GRM8: variants seen among roughly 807,000 people sequenced by gnomAD.
The protein encoded by GRM8 is metabotropic glutamate receptor 8.
In GRM8, 47 loss-of-function variants were observed where a neutral mutation model predicts 87.2. That is an observed-to-expected ratio of 0.54 (90% CI 0.43 to 0.69). GRM8 has a LOEUF of 0.69. Among genes scored for constraint, GRM8 ranks in the 30% least tolerant of loss-of-function variants. The probability of loss-of-function intolerance (pLI) is 0.00; values close to 1 mark genes in which losing one functional copy is unlikely to be tolerated. For missense variants in GRM8, 1,019 were observed against 1,139.2 expected (o/e 0.89, Z 1.52); for synonymous variants, 396 against 404.5 (o/e 0.98, Z 0.25).
intron 1 of GRM8, among the ~76,000 whole-genome samples, chr7:127,251,976 G>A (rs562810989): frequency 6.6e-6 from 1 of 152,112 alleles, no homozygotes; most frequent in African/African-American, 2.4e-5. Flanking sequence ...CGAGGACCCC[G>A]AAGCGCCCGG....
rs563626118 is a variant in GRM8, at chr7:127,170,548, T to C, written c.511-63836A>G. Among the ~76,000 whole-genome samples, 4 of 152,328 alleles carry C rather than the reference T, an allele frequency of 2.6e-5. No homozygotes were observed. In the Middle Eastern group the frequency reaches 0.01, roughly 389 times the overall value. ...AAAAAGATGCTTTCACATGCATGTA[T>C]ACAGCAGCACAATTTGCAGTTGCAA... On this transcript the variant is annotated intron_variant, in intron 2 of 10. Transcript: ENST00000339582.
chr7:126,940,997 G>T (rs1450246443), intron 3 of GRM8, among the ~76,000 whole-genome samples: 1 of 152,164 alleles, frequency 6.6e-6, no homozygotes, highest in African/African-American at 2.4e-5. Flanking sequence ...GATAATGAGG[G>T]ACAGAGTTTT....
chr7:126,878,519 CTTT>C (rs35669727), intron 6 of GRM8, among the ~76,000 whole-genome samples: 5 of 131,050 alleles, frequency 3.8e-5, no homozygotes, highest in Admixed American at 7.8e-5. Flanking sequence ...TCGTCTTCTT[CTTT>C]TTTTTTTTTT....
chr7:126,537,848 TACAAAGCATAA>T (rs1816017257), intron 8 of GRM8, among the ~76,000 whole-genome samples: 1 of 152,152 alleles, frequency 6.6e-6, no homozygotes, highest in African/African-American at 2.4e-5. Flanking sequence ...CCACAACTGT[TACAAAGCATAA>T]ACAAAGATTA....
intron 8 of GRM8, among the ~76,000 whole-genome samples, chr7:126,597,092 T>C (rs954875439): frequency 1.3e-5 from 2 of 152,130 alleles, no homozygotes; most frequent in African/African-American, 4.8e-5. Flanking sequence ...CCCCTGAGAT[T>C]ATACACAATT....
intron 2 of GRM8, among the ~76,000 whole-genome samples, chr7:127,111,522 C>T (rs1012620051): frequency 2.6e-5 from 4 of 152,142 alleles, no homozygotes; most frequent in Admixed American, 6.5e-5. Flanking sequence ...GATCCTCCCT[C>T]TTTCTTGCTG....
chr7:126,527,855 C>T (rs1049220491), intron 9 of GRM8, among the ~76,000 whole-genome samples: 4 of 152,254 alleles, frequency 2.6e-5, no homozygotes, highest in African/African-American at 9.6e-5. Context: ...CCCTCACAGC[C>T]CTCTTTAACT....
chr7:126,569,093 T>TTTA (rs1794481276), intron 8 of GRM8, among the ~76,000 whole-genome samples: 1 of 152,196 alleles, frequency 6.6e-6, no homozygotes, highest in Admixed American at 6.6e-5. Context: ...CTTCTTCAAA[T>TTTA]TGTTTTCTTT....
intron 3 of GRM8, among the ~76,000 whole-genome samples, chr7:126,952,366 T>C (rs1032133337): frequency 6.6e-6 from 1 of 151,964 alleles, no homozygotes; most frequent in Non-Finnish European, 1.5e-5. Flanking sequence ...TTAATACATG[T>C]TGAAAGAAAG....
At chr7:126,811,871 C>T (rs1793328237) in intron 6 of GRM8, among the ~76,000 whole-genome samples, 1 of 151,856 alleles carries the variant, frequency 6.6e-6, no homozygotes, top group African/African-American at 2.4e-5. Context: ...TGCCTAATTG[C>T]TGTGGCTAGG....
chr7:127,092,767 A>G (rs1824272900), intron 3 of GRM8, among the ~76,000 whole-genome samples: 2 of 152,320 alleles, frequency 1.3e-5, no homozygotes, highest in East Asian at 3.9e-4. Flanking sequence ...GAGGACATGC[A>G]CGGATTCCAG....
chr7:126,550,539 C>A (rs1792481435), intron 8 of GRM8, among the ~76,000 whole-genome samples: 1 of 152,004 alleles, frequency 6.6e-6, no homozygotes, highest in African/African-American at 2.4e-5. Context: ...AAATTATAAA[C>A]ATATAATGCA....
intron 3 of GRM8, among the ~76,000 whole-genome samples, chr7:126,953,864 T>G (rs1414995841): frequency 6.6e-6 from 1 of 152,164 alleles, no homozygotes; most frequent in African/African-American, 2.4e-5. Flanking sequence ...GATGACTACT[T>G]TATAATATGC....
chr7:126,572,176 G>A (rs538961394), intron 8 of GRM8, among the ~76,000 whole-genome samples: 1 of 152,220 alleles, frequency 6.6e-6, no homozygotes, highest in South Asian at 2.1e-4. Flanking sequence ...GTAATATAGA[G>A]ACTAGAGAGG....
intron 7 of GRM8, among the ~76,000 whole-genome samples, chr7:126,746,514 T>C (rs1376344979): frequency 1.3e-5 from 2 of 151,696 alleles, no homozygotes; most frequent in East Asian, 3.9e-4. Flanking sequence ...AATTTAAACT[T>C]TTTAAATTTA....
intron 3 of GRM8, among the ~76,000 whole-genome samples, chr7:126,916,605 T>C (rs1586446137): frequency 6.6e-6 from 1 of 152,230 alleles, no homozygotes; most frequent in Non-Finnish European, 1.5e-5. Flanking sequence ...CTGATTCTAC[T>C]TATCAGCATT....
At chr7:126,856,044 G>T (rs1797650214) in intron 6 of GRM8, among the ~76,000 whole-genome samples, 1 of 152,074 alleles carries the variant, frequency 6.6e-6, no homozygotes, top group South Asian at 2.1e-4. Context: ...TAAGAAGCAT[G>T]AACTTTCATC....
At chr7:127,050,314 G>A (rs374511481) in intron 3 of GRM8, among the ~76,000 whole-genome samples, 1 of 152,038 alleles carries the variant, frequency 6.6e-6, no homozygotes, top group African/African-American at 2.4e-5. Flanking sequence ...CCTCATTTTC[G>A]GACAGGGAGG....
intron 7 of GRM8, among the ~76,000 whole-genome samples, chr7:126,638,210 A>G (rs1043309711): frequency 1.3e-5 from 2 of 152,112 alleles, no homozygotes; most frequent in South Asian, 4.1e-4. Flanking sequence ...CCTAAGTACC[A>G]CTGATTAATT....
Sources: gnomAD v4.1 joint callset for allele counts (sites outside exome capture counted in the v4.1 genomes callset) on GRCh38, gnomAD v4.1.1 for gene constraint, MANE v1.5 for transcripts, NCBI Gene and HGNC (gene_info 2026-07-23, HGNC 2026-07-21) for gene names.